ST3GAL1: variants seen among roughly 807,000 people sequenced by gnomAD.
ST3GAL1 encodes the protein CMP-N-acetylneuraminate-beta-galactosamide-alpha-2,3-sialyltransferase 1.
ST3GAL1 carries 16 observed loss-of-function variants against 34.1 expected under a neutral mutation model. The ratio of observed to expected loss-of-function variants is 0.47; its 90% CI spans 0.32 to 0.71. ST3GAL1 has a LOEUF of 0.71. ST3GAL1 is among the 30% of genes least tolerant of loss of function. The probability of loss-of-function intolerance (pLI) is 0.04; values close to 1 mark genes in which losing one functional copy is unlikely to be tolerated. For missense variants in ST3GAL1, 353 were observed against 447.4 expected, an observed-to-expected ratio of 0.79 and a Z score of 1.90; for synonymous variants, 191 against 184.7, an observed-to-expected ratio of 1.03 and a Z score of -0.28.
intron 1 of ST3GAL1, among the ~76,000 whole-genome samples, chr8:133,553,154 A>T (rs1818910358): frequency 6.6e-6 from 1 of 152,242 alleles, no homozygotes; most frequent in South Asian, 2.1e-4. Flanking sequence ...CTGTTTGCAT[A>T]AAAAGCCCTC....
Position 133,461,774 on chromosome 8 carries a change from G to T in ST3GAL1, c.849+101C>A. On this transcript the variant is annotated intron_variant, in intron 9 of 9. Transcript: ENST00000522652. This position sits in a 1 kb window ranked among gnomAD's most constrained non-coding sequence, Gnocchi z 4.7. ...ACAGGGAATCCGAGCTTCCGGAAGA[G>T]GCAGGCTAGGTCTACCTGCCCTCCC... 6.5e-7 allele frequency: 1 copy of T among 1,527,810 alleles called. No individual in the cohort carries two copies. The highest frequency in any genetic ancestry group is 8.9e-7 in the Non-Finnish European group (1 of 1,123,202). 94.6% of individuals were successfully genotyped at this position (1,527,810 alleles called of 1,614,324 possible). A position where few individuals can be genotyped will look rare whatever the true frequency, so the allele number is the denominator to read the frequency against.
At position 133,467,486 on chromosome 8, in the gene ST3GAL1, G is replaced by T. The variant is rs188538483; in HGVS notation, c.307-1396C>A. ...GGTAGGATGCTCTGAGGCCAGAGAGGTAAGCAACTCATCCCAAATACAAAC... is the reference window on the plus strand; with the variant it reads ...GGTAGGATGCTCTGAGGCCAGAGAGTTAAGCAACTCATCCCAAATACAAAC... On this transcript the variant is annotated intron_variant, in intron 5 of 9. Coordinates refer to ENST00000522652, the MANE Select transcript of ST3GAL1 (RefSeq NM_173344.3). This position sits in a 1 kb window ranked among gnomAD's most constrained non-coding sequence, Gnocchi z 4.2. Among the ~76,000 whole-genome samples, 1 of 152,348 alleles carries T rather than the reference G, an allele frequency of 6.6e-6. No individual in the cohort carries two copies. The highest frequency in any genetic ancestry group is 2.4e-5 in the African/African-American group (1 of 41,580).
intron 2 of ST3GAL1, among the ~76,000 whole-genome samples, chr8:133,529,386 G>A (rs1818077453): frequency 6.6e-6 from 1 of 152,226 alleles, no homozygotes; most frequent in African/African-American, 2.4e-5. Context: ...CCGAGCAAAT[G>A]TACAAGGTCG....
At chr8:133,541,114 T>C (rs534775942) in intron 2 of ST3GAL1, among the ~76,000 whole-genome samples, 2 of 44,068 alleles carry the variant, frequency 4.5e-5, no homozygotes, top group African/African-American at 2.4e-4. Flanking sequence ...TATATATATA[T>C]ATATATAGAG....
Position 133,461,908 on chromosome 8 carries a change from G to A in ST3GAL1, c.816C>T (p.Leu272=), listed in dbSNP as rs750841491. The change falls in exon 9 of 10, where the codon CTC becomes CTT. Residue 272 remains leucine, a synonymous_variant. Transcript: ENST00000522652. This position sits in a 1 kb window ranked among gnomAD's most constrained non-coding sequence, Gnocchi z 4.7. ...GHGRYPSTGI[L]SVIFSMHVCD... is the part of the protein sequence containing the mutation. ...AGACATGCATTGAGAAGATGACCGA[G>A]AGGATGCCGGTAGATGGGTATCGCC... 6.2e-7 allele frequency: 1 copy of A among 1,614,220 alleles called. No homozygotes were observed. Among genetic ancestry groups the A allele is most frequent in the South Asian group, 1.1e-5 (1 of 91,084 alleles).
intron 2 of ST3GAL1, among the ~76,000 whole-genome samples, chr8:133,529,186 T>C (rs1051893842): frequency 2.0e-5 from 3 of 152,230 alleles, no homozygotes; most frequent in Non-Finnish European, 4.4e-5. Flanking sequence ...ACCGGCTTTC[T>C]AGCCCTCTTG....
chr8:133,465,073 C>T, intron 6 of ST3GAL1, 116 bp from the exon 7 acceptor site: 2 of 993,772 alleles, frequency 2.0e-6, no homozygotes, highest in Non-Finnish European at 2.9e-6. Context: ...ACCTGCCTTC[C>T]CCGGGCCTCC....
rs927138507 is a variant in ST3GAL1 at position 133,475,819 on chromosome 8, T to C, written c.206A>G (p.Lys69Arg). The C allele has an allele frequency of 1.9e-6, 3 of 1,613,992 alleles. No individual in the cohort carries two copies. Among genetic ancestry groups the C allele is most frequent in the Admixed American group, 3.3e-5 (2 of 60,000 alleles). Residue 69 changes from lysine to arginine, a missense_variant, in exon 5 of 10, where the codon AAG becomes AGG. By Grantham distance (26) the Lys-to-Arg change is conservative (BLOSUM62 2). Coordinates refer to ENST00000522652, the MANE Select transcript of ST3GAL1 (RefSeq NM_173344.3). ...CTCTHCIGQR[K>R]LSAWFDERFN... ...CCTCTCATCGAACCAGGCCGAGAGC[T>C]TGCGCTGCCCGATGCAGTGGGTGCA...
chr8:133,559,415 C>T lies in ST3GAL1; in HGVS notation c.-582+12278G>A, dbSNP rs896392999. 8.5e-5 allele frequency among the ~76,000 whole-genome samples: 13 copies of T among 152,282 alleles called. 1 individual carries two copies. Among genetic ancestry groups the T allele is most frequent in the African/African-American group, 2.9e-4 (12 of 41,554 alleles). ...TGAAAGGTGTGTTTTCCATTTGAAG[C>T]TTCTATCAGGTGGTGAAAGAAAGAA... On this transcript the variant is annotated intron_variant, in intron 1 of 9. Transcript: ENST00000522652.
At chr8:133,489,208 A>G (rs534339231) in intron 3 of ST3GAL1, among the ~76,000 whole-genome samples, 1 of 152,082 alleles carries the variant, frequency 6.6e-6, no homozygotes, top group East Asian at 1.9e-4. Flanking sequence ...TGACCTTTCA[A>G]CTCAGCTCCC....
At chr8:133,520,205 GAGTGTGT>G (rs1817761261) in intron 2 of ST3GAL1, among the ~76,000 whole-genome samples, 1 of 152,212 alleles carries the variant, frequency 6.6e-6, no homozygotes, top group Non-Finnish European at 1.5e-5. Context: ...GCAAAGAAAT[GAGTGTGT>G]AGAGGTCAGC....
At chr8:133,462,785 T>C (rs1815559793) in intron 8 of ST3GAL1, among the ~76,000 whole-genome samples, 1 of 152,198 alleles carries the variant, frequency 6.6e-6, no homozygotes, top group South Asian at 2.1e-4. Flanking sequence ...AAGTGGCTTC[T>C]TCCCTGAGGC....
rs990885610 is a variant in ST3GAL1 at position 133,469,301 on chromosome 8, C to A, written c.307-3211G>T. ...TGGTGCGATCTCGGCTCACTGCAAC[C>A]TCTACCTCCTGGGTTCAAGGGATTC... On this transcript the variant is annotated intron_variant, in intron 5 of 9. Coordinates refer to ENST00000522652, the MANE Select transcript of ST3GAL1 (RefSeq NM_173344.3). The surrounding 1 kb of genome is among the most constrained non-coding windows in gnomAD (Gnocchi z 4.3). 6.6e-6 allele frequency among the ~76,000 whole-genome samples: 1 copy of A among 152,156 alleles called. No homozygotes were observed. Among genetic ancestry groups the A allele is most frequent in the Non-Finnish European group, 1.5e-5 (1 of 68,038 alleles).
chr8:133,501,966 G>A (rs1817170202), intron 2 of ST3GAL1, among the ~76,000 whole-genome samples: 1 of 152,122 alleles, frequency 6.6e-6, no homozygotes, highest in Admixed American at 6.5e-5. Context: ...ACACAGCAGG[G>A]AGTGCAGCCC....
In ST3GAL1 at chr8:133,570,671, A is replaced by G. The variant is rs748127832; in HGVS notation, c.-582+1022T>C. On this transcript the variant is annotated intron_variant, in intron 1 of 9. Transcript: ENST00000522652. The surrounding 1 kb of genome is among the most constrained non-coding windows in gnomAD (Gnocchi z 5.6). ...CAAGCTCAACCCCCATCTCAAGTTC[A>G]GCCGCGCTTCCTCCCGCAAGGTCAC... 1.7e-4 allele frequency among the ~76,000 whole-genome samples: 26 copies of G among 152,170 alleles called. No homozygotes were observed. The highest frequency in any genetic ancestry group is 3.5e-4 in the Non-Finnish European group (24 of 68,026).
At chr8:133,546,989 C>T (rs575967372) in intron 1 of ST3GAL1, among the ~76,000 whole-genome samples, 78 of 144,914 alleles carry the variant, frequency 5.4e-4, no homozygotes, top group Non-Finnish European at 9.5e-4. Context: ...TGGGCGACAG[C>T]GAGACTCCAT....
At chr8:133,553,046 C>G (rs757501508) in intron 1 of ST3GAL1, among the ~76,000 whole-genome samples, 1 of 152,092 alleles carries the variant, frequency 6.6e-6, no homozygotes, top group African/African-American at 2.4e-5. Context: ...AACACAATAT[C>G]CCTTTGTGCT....
chr8:133,541,147 A>AGAGAGAGAGAGAGAGAGAGAGAGAGG (rs1209540597), intron 2 of ST3GAL1, among the ~76,000 whole-genome samples: 18 of 125,466 alleles, frequency 1.4e-4, no homozygotes, highest in African/African-American at 5.1e-4. Context: ...AGAGAGAGAG[A>AGAGAGAGAGAGAGAGAGAGAGAGAGG]GAGAGACTGT....
At chr8:133,499,674 G>A (rs969120129) in intron 2 of ST3GAL1, among the ~76,000 whole-genome samples, 6 of 152,150 alleles carry the variant, frequency 3.9e-5, no homozygotes, top group Non-Finnish European at 7.3e-5. Flanking sequence ...ACTGGGTTAA[G>A]GCCTTTCACA....
Sources: allele counts gnomAD v4.1 joint callset (sites outside exome capture counted in the v4.1 genomes callset), GRCh38; gene constraint gnomAD v4.1.1; non-coding constraint Gnocchi (gnomAD v3.1); transcripts MANE v1.5; gene names NCBI Gene and HGNC (gene_info 2026-07-23, HGNC 2026-07-21).